Variants in GPD2 observed in about 807,000 individuals in gnomAD.
GPD2 encodes the protein glycerol-3-phosphate dehydrogenase, mitochondrial.
GPD2 carries 54 observed loss-of-function variants against 82.4 expected under a neutral mutation model. The ratio of observed to expected loss-of-function variants is 0.66; its 90% CI spans 0.53 to 0.82. The LOEUF (loss-of-function observed/expected upper bound fraction) is 0.82, where lower values mean the gene tolerates loss of function less well. Among genes scored for constraint, GPD2 ranks in the 40% least tolerant of loss-of-function variants. GPD2 has a pLI of 0.00. For synonymous variants in GPD2, 288 were observed against 306.1 expected, an observed-to-expected ratio of 0.94 and a Z score of 0.62; for missense variants, 748 against 896.2, an observed-to-expected ratio of 0.83 and a Z score of 2.11.
At chr2:156,483,877 A>C (rs745645721) in intron 2 of GPD2, among the ~76,000 whole-genome samples, 6 of 152,032 alleles carry the variant, frequency 3.9e-5, no homozygotes, top group African/African-American at 7.2e-5. Context: ...AACATTCTTC[A>C]GGTTCTTGAA....
chr2:156,402,571 G>A, the GPD2 span, among the ~76,000 whole-genome samples: 2 of 152,182 alleles, frequency 1.3e-5, no homozygotes, highest in African/African-American at 4.8e-5. Flanking sequence ...CTTTCCAGAG[G>A]TGCTTCAGGG....
intron 2 of GPD2, among the ~76,000 whole-genome samples, chr2:156,483,463 T>A (rs922967887): frequency 6.6e-6 from 1 of 152,226 alleles, no homozygotes; most frequent in Non-Finnish European, 1.5e-5. Flanking sequence ...TCCCTTCCCC[T>A]GAGGTAGGAT....
At chr2:156,485,503 G>A (rs926744758) in intron 2 of GPD2, among the ~76,000 whole-genome samples, 7 of 152,158 alleles carry the variant, frequency 4.6e-5, no homozygotes. Context: ...ATTGTGTATG[G>A]ACTGTATGCA....
Position 156,554,164 on chromosome 2 carries a change from C to A in GPD2, c.972-3225C>A, listed in dbSNP as rs145775236. On this transcript the variant is annotated intron_variant, in intron 8 of 16. Coordinates refer to ENST00000438166, the MANE Select transcript of GPD2 (RefSeq NM_000408.5). ...CTGGCATCCCATAGGGGTGGTTTTC[C>A]TCTTCCTATCAAGTCATTCTCTTGG... is the stretch of plus-strand genomic sequence containing the variant. 6.2e-3 allele frequency among the ~76,000 whole-genome samples: 939 copies of A among 152,298 alleles called. 14 individuals are homozygous for A. Among genetic ancestry groups the A allele is most frequent in the African/African-American group, 0.021 (870 of 41,566 alleles).
intron 1 of GPD2, among the ~76,000 whole-genome samples, chr2:156,438,131 T>C (rs1682016648): frequency 6.6e-6 from 1 of 152,160 alleles, no homozygotes; most frequent in Non-Finnish European, 1.5e-5. Flanking sequence ...GAGGGGTGAC[T>C]AGCTTGTAAT....
chr2:156,401,222 A>G, the GPD2 span, among the ~76,000 whole-genome samples: 97 of 152,342 alleles, frequency 6.4e-4, no homozygotes, highest in South Asian at 3.9e-3. Flanking sequence ...CAATGCTTAT[A>G]GCAAATGTGC....
chr2:156,567,146 TTTCTC>T (rs1470091091), intron 9 of GPD2, among the ~76,000 whole-genome samples: 2 of 152,068 alleles, frequency 1.3e-5, no homozygotes. Context: ...TTACCGGTAT[TTTCTC>T]TATTCTATGA....
chr2:156,407,795 T>TC, the GPD2 span, among the ~76,000 whole-genome samples: 1 of 152,154 alleles, frequency 6.6e-6, no homozygotes, highest in Non-Finnish European at 1.5e-5. Flanking sequence ...AATTGCTAAA[T>TC]CCAAGGGTGA....
chr2:156,497,780 C>T (rs1280842953), intron 3 of GPD2, among the ~76,000 whole-genome samples: 2 of 152,136 alleles, frequency 1.3e-5, no homozygotes, highest in African/African-American at 4.8e-5. Flanking sequence ...AATACAGGCA[C>T]AGGAAGTCTA....
In GPD2 at chr2:156,549,768, C is replaced by T; in HGVS notation, c.822C>T (p.Leu274=). ...RVSGARCKDV[L]TGQEFDVRAK... Reference sequence around the variant, plus strand: ...GCGGCGCACGGTGCAAGGATGTCCTCACAGGTATGCCAGGTATCTGGGAGG... The same window carrying T: ...GCGGCGCACGGTGCAAGGATGTCCTTACAGGTATGCCAGGTATCTGGGAGG... Residue 274 remains leucine, a synonymous_variant, in exon 7 of 17, where the codon CTC becomes CTT. Transcript: ENST00000438166. The T allele has an allele frequency of 2.5e-6, 4 of 1,611,676 alleles. No individual in the cohort carries two copies. The highest frequency in any genetic ancestry group is 3.4e-6 in the Non-Finnish European group (4 of 1,177,828).
At chr2:156,462,909 C>T (rs1683039363) in intron 1 of GPD2, among the ~76,000 whole-genome samples, 1 of 152,168 alleles carries the variant, frequency 6.6e-6, no homozygotes, top group Non-Finnish European at 1.5e-5. Context: ...CAACATGGCA[C>T]ATGTATACTT....
At chr2:156,566,094 A>G (rs1687379283) in intron 9 of GPD2, among the ~76,000 whole-genome samples, 2 of 152,120 alleles carry the variant, frequency 1.3e-5, no homozygotes, top group Admixed American at 6.6e-5. Flanking sequence ...TGGACATGGT[A>G]TGGGCTAATA....
At chr2:156,451,954 C>A (rs918936120) in intron 1 of GPD2, among the ~76,000 whole-genome samples, 9 of 146,312 alleles carry the variant, frequency 6.2e-5, no homozygotes, top group African/African-American at 2.0e-4. Context: ...ACATCCCAGA[C>A]GGGGCGGCGG....
At chr2:156,521,518 G>A (rs1685407611) in intron 6 of GPD2, among the ~76,000 whole-genome samples, 2 of 152,068 alleles carry the variant, frequency 1.3e-5, no homozygotes. Flanking sequence ...TTATTTTTGG[G>A]GGGTCAATTT....
At position 156,512,200 on chromosome 2, in the gene GPD2, TTC is replaced by T. The variant is rs1320800608; in HGVS notation, c.400-16_400-15del. 1.6e-6 allele frequency: 2 copies of T among 1,242,554 alleles called. No individual in the cohort carries two copies. The highest frequency in any genetic ancestry group is 1.2e-5 in the South Asian group (1 of 83,646). The allele number at this position is 1,242,554 out of a possible 1,614,324, so 77.0% of individuals were successfully genotyped here. ...ATGATCTGTTACTGCCAAACTAATTTTCTCTGTTTTGCCTTTCAGTATAGGAT... is the reference window on the plus strand; with the variant it reads ...ATGATCTGTTACTGCCAAACTAATTTTCTGTTTTGCCTTTCAGTATAGGAT... On this transcript the variant is annotated intron_variant, in intron 4 of 16. Transcript: ENST00000438166.
the GPD2 span, among the ~76,000 whole-genome samples, chr2:156,420,737 G>A: frequency 2.0e-5 from 3 of 152,288 alleles, no homozygotes; most frequent in South Asian, 6.2e-4. Context: ...TGATATATAA[G>A]AAGGAGATAC....
chr2:156,459,672 G>A (rs547339956), intron 1 of GPD2, among the ~76,000 whole-genome samples: 1 of 65,944 alleles, frequency 1.5e-5, no homozygotes, highest in East Asian at 7.8e-4. Flanking sequence ...TGGCGACAGA[G>A]CAAGACTCCG....
intron 1 of GPD2, among the ~76,000 whole-genome samples, chr2:156,464,657 A>G (rs1180785166): frequency 6.6e-6 from 1 of 152,036 alleles, no homozygotes; most frequent in African/African-American, 2.4e-5. Context: ...CAAATTGAGA[A>G]CTTTCTTTTA....
intron 9 of GPD2, among the ~76,000 whole-genome samples, chr2:156,563,021 GT>G (rs149949695): frequency 6.6e-6 from 1 of 152,130 alleles, no homozygotes; most frequent in East Asian, 1.9e-4. Flanking sequence ...TTTAATAGTA[GT>G]TTTTTTCTTT....
Sources: gnomAD v4.1 joint callset for allele counts (sites outside exome capture counted in the v4.1 genomes callset) on GRCh38, gnomAD v4.1.1 for gene constraint, MANE v1.5 for transcripts, NCBI Gene and HGNC (gene_info 2026-07-23, HGNC 2026-07-21) for gene names.